The following SEL1L3 variants were observed in gnomAD, a reference collection of about 807,000 sequenced individuals.
SEL1L3 encodes protein sel-1 homolog 3.
A neutral mutation model predicts 142.8 loss-of-function variants in SEL1L3; 76 were observed. The observed-to-expected ratio is 0.53, with a 90% CI of 0.44 to 0.64. SEL1L3 has a LOEUF of 0.64. SEL1L3 is among the 30% of genes least tolerant of loss of function. SEL1L3 has a pLI of 0.00. For missense variants in SEL1L3, 1,262 were observed against 1,381.7 expected (o/e 0.91, Z 1.37); for synonymous variants, 504 against 519.6 (o/e 0.97, Z 0.41).
chr4:25,765,397 G>C lies in SEL1L3; in HGVS notation c.2884C>G (p.Gln962Glu), dbSNP rs1230134206. ...AACTCCAGGTCTTGTGACTGGTTTT[G>C]GTGGCCATAGTAGTAAAGGTCTCCC... The part of the protein sequence containing the change: ...KMGDLYYYGH[Q>E]NQSQDLELSV... The change falls in exon 20 of 24, where the codon CAA becomes GAA. Residue 962 changes from glutamine to glutamate, a missense_variant. By Grantham distance (29) the Gln-to-Glu change is conservative. This residue lies in a region of SEL1L3 where 435 missense variants were observed against 559.2 expected (regional missense o/e 0.78). Transcript: ENST00000399878. The C allele has an allele frequency of 6.2e-7, 1 of 1,613,746 alleles. No individual in the cohort carries two copies. Among genetic ancestry groups the C allele is most frequent in the South Asian group, 1.1e-5 (1 of 91,074 alleles).
intron 20 of SEL1L3, among the ~76,000 whole-genome samples, chr4:25,762,154 G>A (rs1718416980): frequency 6.6e-6 from 1 of 152,100 alleles, no homozygotes; most frequent in East Asian, 1.9e-4. Context: ...TCACCATGTT[G>A]GCCAGGCTGG....
chr4:25,755,208 C>T (rs2109115751), intron 23 of SEL1L3, among the ~76,000 whole-genome samples: 1 of 152,194 alleles, frequency 6.6e-6, no homozygotes, highest in South Asian at 2.1e-4. Context: ...CTCAGCCTCC[C>T]TAGTAGCCAG....
the SEL1L3 span, among the ~76,000 whole-genome samples, chr4:25,733,732 C>T: frequency 1.3e-5 from 2 of 151,910 alleles, no homozygotes; most frequent in East Asian, 1.9e-4. Flanking sequence ...TGACTGGTCT[C>T]GAACTCCTGA....
At chr4:25,775,488 G>A (rs927648198) in intron 17 of SEL1L3, among the ~76,000 whole-genome samples, 1 of 152,158 alleles carries the variant, frequency 6.6e-6, no homozygotes, top group African/African-American at 2.4e-5. Context: ...GTGGACTGAG[G>A]ACTTTTTTTA....
At chr4:25,726,190 A>G in the SEL1L3 span, among the ~76,000 whole-genome samples, 1 of 151,234 alleles carries the variant, frequency 6.6e-6, no homozygotes, top group Non-Finnish European at 1.5e-5. Flanking sequence ...TTTGGAATGA[A>G]TAGGGAAGGG....
chr4:25,811,076 A>G (rs1309147131), intron 9 of SEL1L3, among the ~76,000 whole-genome samples: 1 of 152,136 alleles, frequency 6.6e-6, no homozygotes, highest in East Asian at 1.9e-4. Context: ...CTGGTCCACA[A>G]TTCTCACTGT....
In SEL1L3 at chr4:25,784,218, C is replaced by T; in HGVS notation, c.2280+10G>A. 1 of 1,607,564 alleles carries T rather than the reference C, an allele frequency of 6.2e-7. No individual in the cohort carries two copies. Among genetic ancestry groups the T allele is most frequent in the Non-Finnish European group, 8.5e-7 (1 of 1,174,052 alleles). ...GGAACTGTTTCCCTCTGACAATATGCATGTGTTACCTTGGAAGCTGCTTTC... is the reference window on the plus strand; with the variant it reads ...GGAACTGTTTCCCTCTGACAATATGTATGTGTTACCTTGGAAGCTGCTTTC... On this transcript the variant is annotated intron_variant, in intron 14 of 23. Transcript: ENST00000399878.
At chr4:25,813,417 T>G (rs1174284356) in intron 9 of SEL1L3, among the ~76,000 whole-genome samples, 1 of 152,162 alleles carries the variant, frequency 6.6e-6, no homozygotes, top group African/African-American at 2.4e-5. Flanking sequence ...AGGTGAACCT[T>G]GAGGACATTA....
the SEL1L3 span, among the ~76,000 whole-genome samples, chr4:25,734,149 G>C: frequency 6.6e-6 from 1 of 152,034 alleles, no homozygotes; most frequent in Non-Finnish European, 1.5e-5. Context: ...TCAGCCTCCA[G>C]AGTAGCTGGG....
In SEL1L3 at chr4:25,804,720, T is replaced by C. The variant is rs946642263; in HGVS notation, c.1597A>G (p.Ile533Val). The stretch of plus-strand genomic sequence containing the variant: ...GCCTTCTCAAATATCTTCCCACCGA[T>C]TTCTGATACAGATTCATTTTGGTTC... ...PRNQNESVSE[I>V]GGKIFEKAVK... Residue 533 changes from isoleucine to valine, a missense_variant, in exon 10 of 24, where the codon ATC becomes GTC. Physicochemically the swap from Ile to Val is conservative, Grantham distance 29 (BLOSUM62 3). Around this residue, in one of 3 missense-constraint regions of SEL1L3, gnomAD observed 689 missense variants for 692.8 expected, o/e 0.99. Coordinates refer to ENST00000399878, the MANE Select transcript of SEL1L3 (RefSeq NM_015187.5). 4 of 1,613,760 alleles carry C rather than the reference T, an allele frequency of 2.5e-6. No homozygotes were observed. The highest frequency in any genetic ancestry group is 1.7e-4 in the Middle Eastern group (1 of 5,994).
chr4:25,822,016 G>T lies in SEL1L3; in HGVS notation c.1270C>A (p.Arg424Ser). 1.2e-6 allele frequency: 2 copies of T among 1,613,810 alleles called. No individual in the cohort carries two copies. Among genetic ancestry groups the T allele is most frequent in the Non-Finnish European group, 8.5e-7 (1 of 1,179,850 alleles). The change falls in exon 7 of 24, where the codon CGC (arginine) becomes AGC (serine). Residue 424 changes from arginine to serine, a missense_variant. By Grantham distance (110) the Arg-to-Ser change is moderately radical. Around this residue, in one of 3 missense-constraint regions of SEL1L3, gnomAD observed 689 missense variants for 692.8 expected, o/e 0.99. Transcript: ENST00000399878. The stretch of plus-strand genomic sequence containing the variant: ...CTCACCTGGGCGGGGTGCAGACTGC[G>T]AAGGCGATAGTACTTCAGGGGTCCA... Reference protein sequence around the residue: ...FFGPLKYYRLRSLHPAQIFNP... With the variant: ...FFGPLKYYRLSSLHPAQIFNP...
chr4:25,724,541 A>G, the SEL1L3 span, among the ~76,000 whole-genome samples: 1 of 151,952 alleles, frequency 6.6e-6, no homozygotes, highest in African/African-American at 2.4e-5. Flanking sequence ...GGAAATCGAG[A>G]CTATCCTGGC....
chr4:25,801,397 T>C (rs1713174238), intron 11 of SEL1L3, among the ~76,000 whole-genome samples: 1 of 152,170 alleles, frequency 6.6e-6, no homozygotes, highest in African/African-American at 2.4e-5. Flanking sequence ...AGTGAGACTC[T>C]GTCTCAAAAA....
At chr4:25,761,290 G>A (rs1718359224) in intron 20 of SEL1L3, among the ~76,000 whole-genome samples, 2 of 152,038 alleles carry the variant, frequency 1.3e-5, no homozygotes, top group Admixed American at 6.6e-5. Flanking sequence ...TGAGTAGCTG[G>A]GATTACAGGT....
chr4:25,807,400 C>T (rs756290086), intron 9 of SEL1L3, among the ~76,000 whole-genome samples: 55 of 152,128 alleles, frequency 3.6e-4, no homozygotes, highest in Admixed American at 1.5e-3. Flanking sequence ...AAGAGAAGTC[C>T]GTTCTACCCA....
intron 9 of SEL1L3, among the ~76,000 whole-genome samples, chr4:25,812,714 GAA>G (rs35102531): frequency 5.4e-5 from 6 of 112,128 alleles, no homozygotes; most frequent in Admixed American, 1.9e-4. Flanking sequence ...CTCTGTCTCA[GAA>G]AAAAAAAAAA....
chr4:25,779,209 A>G lies in SEL1L3; in HGVS notation c.2458-6T>C. The G allele has an allele frequency of 6.2e-7, 1 of 1,612,430 alleles. No homozygotes were observed. The highest frequency in any genetic ancestry group is 8.5e-7 in the Non-Finnish European group (1 of 1,178,970). ...AAATATTCACCAGCTAAAGTCTGTA[A>G]CAAGAGATGAACAAACATCGAGTCA... is the stretch of plus-strand genomic sequence containing the variant. On this transcript the variant is annotated splice_region_variant and splice_polypyrimidine_tract_variant and intron_variant, in intron 15 of 23. Transcript: ENST00000399878.
At chr4:25,860,071 A>G (rs1717584911) in intron 1 of SEL1L3, among the ~76,000 whole-genome samples, 1 of 152,202 alleles carries the variant, frequency 6.6e-6, no homozygotes. Context: ...CTCAGACTGT[A>G]TGGCCTGGGG....
At chr4:25,793,776 T>C (rs1712523120) in intron 11 of SEL1L3, among the ~76,000 whole-genome samples, 1 of 152,206 alleles carries the variant, frequency 6.6e-6, no homozygotes, top group African/African-American at 2.4e-5. Context: ...TGAGCCATTC[T>C]TTTTCACTGT....
Sources: allele counts gnomAD v4.1 joint callset (sites outside exome capture counted in the v4.1 genomes callset), GRCh38; gene constraint gnomAD v4.1.1; regional missense constraint gnomAD v4.1.1; transcripts MANE v1.5; gene names NCBI Gene and HGNC (gene_info 2026-07-23, HGNC 2026-07-21).